Variants in LMO4 observed in about 807,000 individuals in gnomAD.
LMO4 encodes LIM domain transcription factor LMO4.
LMO4 carries 3 observed loss-of-function variants against 18.5 expected under a neutral mutation model. The ratio of observed to expected loss-of-function variants is 0.16; its 90% CI spans 0.07 to 0.42. LMO4 has a LOEUF of 0.42. Among genes scored for constraint, LMO4 ranks in the 10% least tolerant of loss-of-function variants. The probability of loss-of-function intolerance (pLI) is 0.99; values close to 1 mark genes in which losing one functional copy is unlikely to be tolerated. For synonymous variants in LMO4, 100 were observed against 88.1 expected, an observed-to-expected ratio of 1.14 and a Z score of -0.76; for missense variants, 121 against 219.9, an observed-to-expected ratio of 0.55 and a Z score of 2.84.
At chr1:87,333,207 G>A (rs1223538938) in intron 2 of LMO4, among the ~76,000 whole-genome samples, 1 of 151,952 alleles carries the variant, frequency 6.6e-6, no homozygotes, top group Non-Finnish European at 1.5e-5. Context: ...TTGAAAGGAG[G>A]CATTTGAAGG....
chr1:87,331,419 G>C (rs948013089), intron 1 of LMO4: 1 of 152,326 alleles, frequency 6.6e-6, no homozygotes, highest in Non-Finnish European at 1.5e-5. Flanking sequence ...CCCGTCTGCC[G>C]GTCCCTCCCT....
chr1:87,339,454 G>T, intron 2 of LMO4, 82 bp from the exon 3 acceptor site: 1 of 911,538 alleles, frequency 1.1e-6, no homozygotes, highest in South Asian at 1.4e-5. Context: ...CCAAAGGGAT[G>T]CCCAGAGTCT....
rs77875622 is a variant in LMO4, at chr1:87,336,977, A to C, written c.237-2559A>C. On this transcript the variant is annotated intron_variant, in intron 2 of 4. Coordinates refer to ENST00000370544, the MANE Select transcript of LMO4 (RefSeq NM_006769.4). ...CCAGCGCACAGAAACGTTGTGAAAAAACACACACACACACGCACACACAAC... is the reference window on the plus strand; with the variant it reads ...CCAGCGCACAGAAACGTTGTGAAAACACACACACACACACGCACACACAAC... Among the ~76,000 whole-genome samples the C allele has an allele frequency of 7.1e-4, 108 of 151,876 alleles. 2 individuals are homozygous for C. In the East Asian group the frequency reaches 0.014, roughly 20 times the overall value.
chr1:87,338,795 C>A (rs1271935172), intron 2 of LMO4, among the ~76,000 whole-genome samples: 1 of 152,080 alleles, frequency 6.6e-6, no homozygotes, highest in Non-Finnish European at 1.5e-5. Flanking sequence ...GGTCCAGATC[C>A]CGGTAAATTA....
chr1:87,339,981 A>G lies in LMO4; in HGVS notation c.334-66A>G. ...AGATACCTGCTTAATAACAGGTTAT[A>G]AACTTGTGACCAAAAAAAGACTTAA... On this transcript the variant is annotated intron_variant, in intron 3 of 4. Coordinates refer to ENST00000370544, the MANE Select transcript of LMO4 (RefSeq NM_006769.4). 6 of 1,539,844 alleles carry G rather than the reference A, an allele frequency of 3.9e-6. No individual in the cohort carries two copies. In the East Asian group the frequency reaches 1.3e-4, roughly 35 times the overall value.
At chr1:87,337,609 C>T (rs1650350507) in intron 2 of LMO4, among the ~76,000 whole-genome samples, 1 of 152,222 alleles carries the variant, frequency 6.6e-6, no homozygotes, top group Non-Finnish European at 1.5e-5. Flanking sequence ...TTATCCTCAG[C>T]ATGTATTTGG....
Position 87,346,956 on chromosome 1 carries a change from T to C in LMO4, c.*2160T>C, listed in dbSNP as rs1420505659. On this transcript the variant is annotated 3_prime_UTR_variant, in exon 5 of 5. Coordinates refer to ENST00000370544, the MANE Select transcript of LMO4 (RefSeq NM_006769.4). ...AGATTGCAGGCATTTTCTATATTCT[T>C]TTTGGCATAAGCACTTATGTCCCTG... 3 of 152,188 alleles carry C rather than the reference T, an allele frequency of 2.0e-5. No homozygotes were observed. The highest frequency in any genetic ancestry group is 4.4e-5 in the Non-Finnish European group (3 of 68,038). 9.4% of individuals were successfully genotyped at this position (152,188 alleles called of 1,614,324 possible).
Position 87,332,010 on chromosome 1 carries a change from C to T in LMO4, c.-3-3C>T. On this transcript the variant is annotated splice_polypyrimidine_tract_variant and splice_region_variant and intron_variant, in intron 1 of 4. Transcript: ENST00000370544. ...CTCCCTGTCCCCTTCCCGCCCTCTGCAGACCATGGTGAATCCGGGCAGCAG... is the reference window on the plus strand; with the variant it reads ...CTCCCTGTCCCCTTCCCGCCCTCTGTAGACCATGGTGAATCCGGGCAGCAG... 5 of 1,610,254 alleles carry T rather than the reference C, an allele frequency of 3.1e-6. No individual in the cohort carries two copies. Among genetic ancestry groups the T allele is most frequent in the Non-Finnish European group, 4.2e-6 (5 of 1,178,740 alleles).
chr1:87,333,217 G>T (rs1650203128), intron 2 of LMO4, among the ~76,000 whole-genome samples: 1 of 152,018 alleles, frequency 6.6e-6, no homozygotes, highest in African/African-American at 2.4e-5. Context: ...GCATTTGAAG[G>T]ATTACACATT....
At chr1:87,336,336 C>CGT (rs1166128802) in intron 2 of LMO4, among the ~76,000 whole-genome samples, 2 of 152,202 alleles carry the variant, frequency 1.3e-5, no homozygotes, top group Non-Finnish European at 2.9e-5. Flanking sequence ...CTCTCAGAAA[C>CGT]GTACCTCTCC....
chr1:87,337,410 A>G (rs1218330996), intron 2 of LMO4, among the ~76,000 whole-genome samples: 5 of 152,258 alleles, frequency 3.3e-5, no homozygotes, highest in African/African-American at 1.2e-4. Context: ...ACTTAGGCTG[A>G]GTAATCAGAT....
At chr1:87,334,057 G>A (rs1650229184) in intron 2 of LMO4, among the ~76,000 whole-genome samples, 1 of 152,214 alleles carries the variant, frequency 6.6e-6, no homozygotes, top group Non-Finnish European at 1.5e-5. Context: ...GGCTTCCTGG[G>A]AATTGTGTCC....
chr1:87,329,677 C>G (rs1156728059), intron 1 of LMO4, among the ~76,000 whole-genome samples: 1 of 152,162 alleles, frequency 6.6e-6, no homozygotes, highest in Non-Finnish European at 1.5e-5. Context: ...CAGGAAGGAT[C>G]TAAGTGAGCA....
rs56295469 is a variant in LMO4 at position 87,345,833 on chromosome 1, G to A, written c.*1037G>A. ...AAGAATATTCTGTTAACAGCATTTCGTTACACTTCTATATCACAGTAAGTC... is the reference window on the plus strand; with the variant it reads ...AAGAATATTCTGTTAACAGCATTTCATTACACTTCTATATCACAGTAAGTC... On this transcript the variant is annotated 3_prime_UTR_variant, in exon 5 of 5. Coordinates refer to ENST00000370544, the MANE Select transcript of LMO4 (RefSeq NM_006769.4). 21 of 152,214 alleles carry A rather than the reference G, an allele frequency of 1.4e-4. No homozygotes were observed. Among genetic ancestry groups the A allele is most frequent in the East Asian group, 7.7e-4 (4 of 5,186 alleles). The allele number at this position is 152,214 out of a possible 1,614,324, so 9.4% of individuals were successfully genotyped here.
Position 87,346,130 on chromosome 1 carries a change from G to A in LMO4, c.*1334G>A, listed in dbSNP as rs1650619887. Reference sequence around the variant, plus strand: ...AGTAGCCATTTCCTGGTGACCCTTAGGCTCGTGTGGTTGGCTGTAAGGTGT... The same window carrying A: ...AGTAGCCATTTCCTGGTGACCCTTAAGCTCGTGTGGTTGGCTGTAAGGTGT... On this transcript the variant is annotated 3_prime_UTR_variant, in exon 5 of 5. Transcript: ENST00000370544. 1 of 152,136 alleles carries A rather than the reference G, an allele frequency of 6.6e-6. No homozygotes were observed. The highest frequency in any genetic ancestry group is 1.5e-5 in the Non-Finnish European group (1 of 68,018). 9.4% of individuals were successfully genotyped at this position (152,136 alleles called of 1,614,324 possible).
Position 87,332,250 on chromosome 1 carries a change from A to C in LMO4, c.235A>C (p.Arg79=), listed in dbSNP as rs71664161. The part of the protein sequence containing the change: ...GMILCRNDYI[R]LFGNSGACSA... ...GATCCTTTGCAGAAATGACTACATT[A>C]GGTAAGACTTTGCTGTCTTTCCTGG... is the stretch of plus-strand genomic sequence containing the variant. Residue 79 remains arginine (R), a splice_region_variant and synonymous_variant, in exon 2 of 5, where the codon AGG becomes CGG. Transcript: ENST00000370544. 365 of 1,608,220 alleles carry C rather than the reference A, an allele frequency of 2.3e-4. 1 individual carries two copies. Among genetic ancestry groups the C allele is most frequent in the Non-Finnish European group, 2.9e-4 (345 of 1,174,910 alleles).
In LMO4 at chr1:87,337,435, G is replaced by A. The variant is rs1016027854; in HGVS notation, c.237-2101G>A. 4.2e-4 allele frequency among the ~76,000 whole-genome samples: 64 copies of A among 152,284 alleles called. 1 individual carries two copies. The highest frequency in any genetic ancestry group is 1.5e-3 in the African/African-American group (62 of 41,568). ...AGTAATCAGATGGGTACTGTGAAAA[G>A]GGTATTTTTGAGATGGAGTGTCACT... is the stretch of plus-strand genomic sequence containing the variant. On this transcript the variant is annotated intron_variant, in intron 2 of 4. Coordinates refer to ENST00000370544, the MANE Select transcript of LMO4 (RefSeq NM_006769.4).
At position 87,348,832 on chromosome 1, in the gene LMO4, A is replaced by G. The variant is rs1262334573; in HGVS notation, c.*4036A>G. ...GGCAACTCGGAGGCCTCAAGCCAAT[A>G]ATGTACTACAGGCCCTGACATGTTA... is the stretch of plus-strand genomic sequence containing the variant. On this transcript the variant is annotated 3_prime_UTR_variant, in exon 5 of 5. Coordinates refer to ENST00000370544, the MANE Select transcript of LMO4 (RefSeq NM_006769.4). The G allele has an allele frequency of 2.1e-6, 1 of 479,486 alleles. No homozygotes were observed. Among genetic ancestry groups the G allele is most frequent in the Non-Finnish European group, 4.2e-6 (1 of 239,166 alleles). 29.7% of individuals were successfully genotyped at this position (479,486 alleles called of 1,614,324 possible). A position where few individuals can be genotyped will look rare whatever the true frequency, so the allele number is the denominator to read the frequency against.
In LMO4 at chr1:87,347,819, G is replaced by A. The variant is rs762987379; in HGVS notation, c.*3023G>A. 3.9e-5 allele frequency: 6 copies of A among 152,174 alleles called. No homozygotes were observed. The allele number at this position is 152,174 out of a possible 1,614,324, so 9.4% of individuals were successfully genotyped here. ...GATTTACACATCCCGCAAGGCAGGGGAGCCTGAAGCTTTTCCAAACCAAAT... is the reference window on the plus strand; with the variant it reads ...GATTTACACATCCCGCAAGGCAGGGAAGCCTGAAGCTTTTCCAAACCAAAT... On this transcript the variant is annotated 3_prime_UTR_variant, in exon 5 of 5. Transcript: ENST00000370544.
Sources: allele counts gnomAD v4.1 joint callset (sites outside exome capture counted in the v4.1 genomes callset), GRCh38; gene constraint gnomAD v4.1.1; transcripts MANE v1.5; gene names NCBI Gene and HGNC (gene_info 2026-07-23, HGNC 2026-07-21).